Variants in TMEM164 observed in about 807,000 individuals in gnomAD.
TMEM164 encodes the protein RP13-360B22.2.
A neutral mutation model predicts 18.8 loss-of-function variants in TMEM164; 4 were observed. The ratio of observed to expected loss-of-function variants is 0.21; its 90% CI spans 0.10 to 0.49. The LOEUF (loss-of-function observed/expected upper bound fraction) is 0.49. Among genes scored for constraint, TMEM164 ranks in the 20% least tolerant of loss-of-function variants. The pLI is 0.98. For missense variants in TMEM164, 108 were observed against 239.9 expected, an observed-to-expected ratio of 0.45 and a Z score of 3.63; for synonymous variants, 86 against 101.7, an observed-to-expected ratio of 0.85 and a Z score of 0.93.
intron 3 of TMEM164, among the ~76,000 whole-genome samples, chrX:110,085,372 G>C (rs1346410212): frequency 9.3e-6 from 1 of 107,811 alleles, no homozygotes; most frequent in Non-Finnish European, 1.9e-5. Flanking sequence ...GGGTTTTGCG[G>C]TGTTGCCCAG....
In TMEM164 at chrX:110,114,160, C is replaced by G. The variant is rs1195050902; in HGVS notation, c.507+5014C>G. Among the ~76,000 whole-genome samples the G allele has an allele frequency of 4.5e-5, 5 of 111,859 alleles. No individual in the cohort carries two copies. The East Asian group carries it at 1.4e-3, about 31-fold the overall frequency. On this transcript the variant is annotated intron_variant, in intron 4 of 6. Coordinates refer to ENST00000372068, the MANE Select transcript of TMEM164 (RefSeq NM_032227.4). ...ATTTTTCTATTCCATGAATGAAATT[C>G]AGGGAGAGTTTGTGTGCTGGTGATA...
chrX:110,013,335 G>A (rs1024673242), intron 2 of TMEM164, among the ~76,000 whole-genome samples: 10 of 112,132 alleles, frequency 8.9e-5, no homozygotes, highest in African/African-American at 3.2e-4. Flanking sequence ...CTTAACTATG[G>A]CTCTGGGAGT....
chrX:110,132,320 A>G (rs948369047), intron 4 of TMEM164, among the ~76,000 whole-genome samples: 3 of 111,572 alleles, frequency 2.7e-5, no homozygotes, highest in Non-Finnish European at 5.6e-5. Flanking sequence ...TGTGAGCCCA[A>G]CTTAAGAATT....
intron 4 of TMEM164, among the ~76,000 whole-genome samples, chrX:110,135,729 G>A (rs2148041392): frequency 8.9e-6 from 1 of 111,788 alleles, no homozygotes; most frequent in African/African-American, 3.2e-5. Flanking sequence ...TGAAATAGTA[G>A]CATAGTGAAC....
chrX:110,087,527 A>G (rs913910678), intron 3 of TMEM164, among the ~76,000 whole-genome samples: 2 of 111,648 alleles, frequency 1.8e-5, no homozygotes, highest in African/African-American at 6.5e-5. Context: ...TTGGGTTGTA[A>G]TCAGACAGTT....
chrX:110,154,862 G>T (rs1318394375), intron 5 of TMEM164, among the ~76,000 whole-genome samples: 1 of 111,710 alleles, frequency 9.0e-6, no homozygotes, highest in East Asian at 2.8e-4. Context: ...GCATTTGGTC[G>T]AGTACCTTGA....
intron 5 of TMEM164, among the ~76,000 whole-genome samples, chrX:110,168,711 T>G (rs1215488141): frequency 5.3e-5 from 6 of 112,451 alleles, no homozygotes; most frequent in African/African-American, 1.9e-4. Context: ...CTTTCTCTTC[T>G]CGCCCACATG....
intron 3 of TMEM164, among the ~76,000 whole-genome samples, chrX:110,095,149 T>G (rs1036600420): frequency 1.8e-5 from 2 of 111,643 alleles, no homozygotes; most frequent in African/African-American, 6.5e-5. Context: ...ATCTGACAAT[T>G]ATGTGTCTTG....
rs2067284472 is a variant in TMEM164, at chrX:110,175,938, T to C, written c.*2487T>C. The C allele has an allele frequency of 1.3e-6, 1 of 756,350 alleles. No individual in the cohort carries two copies. The highest frequency in any genetic ancestry group is 1.6e-6 in the Non-Finnish European group (1 of 639,653). 62.3% of individuals were successfully genotyped at this position (756,350 alleles called of 1,213,427 possible). A position where few individuals can be genotyped will look rare whatever the true frequency, so the allele number is the denominator to read the frequency against. The stretch of plus-strand genomic sequence containing the variant: ...TAGGGTAGCCCTCATATCTGCCCTG[T>C]GCCGGCCCTCTACTGCCCCAGCTTT... On this transcript the variant is annotated 3_prime_UTR_variant, in exon 7 of 7. Coordinates refer to ENST00000372068, the MANE Select transcript of TMEM164 (RefSeq NM_032227.4).
At chrX:110,108,359 C>T (rs57228476) in intron 3 of TMEM164, among the ~76,000 whole-genome samples, 15,440 of 110,724 alleles carry the variant, frequency 0.14, 1,060 homozygotes, top group Non-Finnish European at 0.21. Context: ...TTGTGCTTGA[C>T]TTATGAAGGG....
chrX:110,044,010 T>C (rs1485577918), intron 2 of TMEM164, among the ~76,000 whole-genome samples: 4 of 112,247 alleles, frequency 3.6e-5, no homozygotes, highest in African/African-American at 1.3e-4. Flanking sequence ...AAGGGCTATT[T>C]TGAAGAAGTG....
At chrX:110,055,793 C>T (rs939453664) in intron 2 of TMEM164, among the ~76,000 whole-genome samples, 12 of 109,955 alleles carry the variant, frequency 1.1e-4, no homozygotes, top group African/African-American at 3.3e-4. Flanking sequence ...GAAGGAATAG[C>T]GAGAAGAAAG....
rs752242023 is a variant in TMEM164, at chrX:110,175,748, C to T, written c.*2297C>T. On this transcript the variant is annotated 3_prime_UTR_variant, in exon 7 of 7. Transcript: ENST00000372068. ...GTAGGTCAAAAGAATAGAGGGGGCC[C>T]AGTCTATAGGCTTCACAAGGAGCCA... 93 of 753,214 alleles carry T rather than the reference C, an allele frequency of 1.2e-4. No homozygotes were observed. The highest frequency in any genetic ancestry group is 1.3e-4 in the Non-Finnish European group (81 of 639,270). 62.1% of individuals were successfully genotyped at this position (753,214 alleles called of 1,213,427 possible).
intron 4 of TMEM164, among the ~76,000 whole-genome samples, chrX:110,144,584 C>T (rs981628597): frequency 1.8e-5 from 2 of 111,389 alleles, no homozygotes; most frequent in Non-Finnish European, 3.8e-5. Flanking sequence ...CAAGTACCTT[C>T]TCTACAAAAG....
At chrX:110,017,444 T>TTCTTTCTTTCTCTC (rs1182465665) in intron 2 of TMEM164, among the ~76,000 whole-genome samples, 1 of 43,020 alleles carries the variant, frequency 2.3e-5, no homozygotes, top group African/African-American at 8.4e-5. Flanking sequence ...CTTTCTTTCT[T>TTCTTTCTTTCTCTC]TCTCTCTCTC....
At chrX:110,077,140 T>C (rs2065683407) in intron 3 of TMEM164, among the ~76,000 whole-genome samples, 1 of 112,458 alleles carries the variant, frequency 8.9e-6, no homozygotes, top group South Asian at 3.7e-4. Context: ...GGTGCTCCAA[T>C]GTTGGGTGCA....
intron 2 of TMEM164, among the ~76,000 whole-genome samples, chrX:110,027,757 C>A (rs1224573761): frequency 9.1e-6 from 1 of 109,447 alleles, no homozygotes. Context: ...AAGACTCCGT[C>A]TCAAAAAAAA....
At chrX:110,072,205 G>C (rs188006952) in intron 3 of TMEM164, among the ~76,000 whole-genome samples, 3 of 107,038 alleles carry the variant, frequency 2.8e-5, no homozygotes, top group South Asian at 8.5e-4. Flanking sequence ...AGAGGCTGAG[G>C]GAGGAGAATC....
At chrX:110,085,908 T>G (rs766312014) in intron 3 of TMEM164, among the ~76,000 whole-genome samples, 52 of 112,081 alleles carry the variant, frequency 4.6e-4, no homozygotes, top group African/African-American at 1.5e-3. Flanking sequence ...AATTGCTGAT[T>G]TCCTCTGCAA....
Sources: gnomAD v4.1 joint callset for allele counts (sites outside exome capture counted in the v4.1 genomes callset) on GRCh38, gnomAD v4.1.1 for gene constraint, MANE v1.5 for transcripts, NCBI Gene and HGNC (gene_info 2026-07-23, HGNC 2026-07-21) for gene names.